MTNAP1: variants seen among roughly 807,000 people sequenced by gnomAD.
MTNAP1 encodes mitochondrial nucleoid-associated protein 1.
the MTNAP1 span, chr17:73,236,800 C>G: frequency 8.2e-5 from 133 of 1,614,024 alleles, no homozygotes; most frequent in Middle Eastern, 3.3e-4. Flanking sequence ...GCGTCACACT[C>G]CTCAGAGCCC....
the MTNAP1 span, chr17:73,247,406 C>G: frequency 6.5e-7 from 1 of 1,531,706 alleles, no homozygotes; most frequent in South Asian, 1.1e-5. Flanking sequence ...CCTGTGTTGC[C>G]CACTGAATTG....
the MTNAP1 span, chr17:73,236,288 A>G: frequency 8.1e-6 from 13 of 1,614,192 alleles, no homozygotes; most frequent in South Asian, 1.2e-4. Flanking sequence ...ACAGTTACTG[A>G]GACTCCAGAA....
chr17:73,233,098 G>A, the MTNAP1 span: 2 of 152,222 alleles, frequency 1.3e-5, no homozygotes, highest in Non-Finnish European at 2.9e-5. Context: ...CTTGAGCCCG[G>A]AGGCTGGGGA....
the MTNAP1 span, chr17:73,248,883 C>T: frequency 4.3e-6 from 1 of 232,978 alleles, no homozygotes; most frequent in African/African-American, 2.3e-5. Flanking sequence ...TATCAGCAGA[C>T]TCTTTTATAC....
chr17:73,235,920 C>T, the MTNAP1 span: 3 of 1,614,158 alleles, frequency 1.9e-6, no homozygotes, highest in Non-Finnish European at 2.5e-6. Flanking sequence ...CAGAGAAAAC[C>T]TCTCCTAAAA....
At chr17:73,236,747 A>G in the MTNAP1 span, 4 of 1,614,178 alleles carry the variant, frequency 2.5e-6, no homozygotes, top group Non-Finnish European at 3.4e-6. Context: ...AGTCAGTTCC[A>G]AGCATCACAC....
At chr17:73,235,933 G>C in the MTNAP1 span, 3 of 1,614,180 alleles carry the variant, frequency 1.9e-6, no homozygotes, top group Non-Finnish European at 2.5e-6. Flanking sequence ...TCCTAAAAGA[G>C]AACTTGCCAA....
the MTNAP1 span, chr17:73,235,541 G>T: frequency 1.9e-6 from 3 of 1,613,952 alleles, no homozygotes; most frequent in Admixed American, 1.7e-5. Context: ...CCATTTAAAC[G>T]ATTAAAATCC....
At chr17:73,244,583 A>AAC in the MTNAP1 span, 7 of 145,744 alleles carry the variant, frequency 4.8e-5, no homozygotes, top group Admixed American at 4.1e-4. Flanking sequence ...AAAAAAAAAA[A>AAC]CCACCAGTAT....
the MTNAP1 span, chr17:73,242,962 G>A: frequency 1.2e-6 from 2 of 1,614,006 alleles, no homozygotes; most frequent in Non-Finnish European, 1.7e-6. Flanking sequence ...CTCTTCACAG[G>A]ATACTTCGTC....
the MTNAP1 span, chr17:73,248,921 G>A: frequency 2.3e-5 from 4 of 172,278 alleles, no homozygotes; most frequent in African/African-American, 7.2e-5. Context: ...TACTACTTCC[G>A]CCACTCTTCA....
At chr17:73,243,415 A>C in the MTNAP1 span, among the ~76,000 whole-genome samples, 1 of 152,018 alleles carries the variant, frequency 6.6e-6, no homozygotes, top group African/African-American at 2.4e-5. Context: ...CAGCCTCCCA[A>C]AGTGCTAAGA....
At chr17:73,236,858 GC>G in the MTNAP1 span, 1 of 1,613,984 alleles carries the variant, frequency 6.2e-7, no homozygotes, top group African/African-American at 1.3e-5. Context: ...CTTCGCAGCT[GC>G]ATGGGGCTGG....
chr17:73,233,736 C>T, the MTNAP1 span, among the ~76,000 whole-genome samples: 609 of 152,182 alleles, frequency 4.0e-3, 11 homozygotes, highest in East Asian at 5.8e-3. Flanking sequence ...TGGTGGCGCA[C>T]GCCCTTAATC....
At chr17:73,248,096 G>C in the MTNAP1 span, 1 of 177,858 alleles carries the variant, frequency 5.6e-6, no homozygotes, top group African/African-American at 2.4e-5. Context: ...ACACTTCACA[G>C]CTCCAGGGTG....
the MTNAP1 span, chr17:73,232,448 C>T: frequency 4.2e-6 from 4 of 947,374 alleles, no homozygotes. Flanking sequence ...AGGACCTCCC[C>T]TGGGGTGGCA....
At chr17:73,232,603 C>T in the MTNAP1 span, 1 of 327,538 alleles carries the variant, frequency 3.1e-6, no homozygotes, top group East Asian at 4.9e-5. Context: ...CGGACCTATC[C>T]GGCAGTGGTG....
the MTNAP1 span, chr17:73,236,162 A>T: frequency 6.2e-7 from 1 of 1,614,186 alleles, no homozygotes; most frequent in East Asian, 2.2e-5. Context: ...CCTACTGGTG[A>T]TTGTCATATT....
the MTNAP1 span, chr17:73,247,564 G>C: frequency 4.1e-6 from 2 of 485,204 alleles, 1 homozygote; most frequent in South Asian, 5.4e-5. Flanking sequence ...GTTTAACTTA[G>C]TCACAGTAAA....
Sources: allele counts gnomAD v4.1 joint callset (sites outside exome capture counted in the v4.1 genomes callset), GRCh38; gene constraint gnomAD v4.1.1; transcripts MANE v1.5; gene names NCBI Gene and HGNC (gene_info 2026-07-23, HGNC 2026-07-21).